Variants in MEGF11 observed in about 807,000 individuals in gnomAD.
MEGF11 encodes the protein multiple epidermal growth factor-like domains protein 11.
Under a neutral mutation model 146.6 loss-of-function variants are expected in MEGF11, and 126 were observed. That is an observed-to-expected ratio of 0.86 (90% CI 0.74 to 1.00). MEGF11 has a LOEUF of 1.00. MEGF11 is among the 50% of genes least tolerant of loss of function. MEGF11 has a pLI of 0.00. For synonymous variants in MEGF11, 532 were observed against 583.4 expected (o/e 0.91, Z 1.27); for missense variants, 1,509 against 1,521.2 (o/e 0.99, Z 0.13).
At chr15:66,165,281 A>T (rs985632503) in intron 1 of MEGF11, among the ~76,000 whole-genome samples, 4 of 152,110 alleles carry the variant, frequency 2.6e-5, no homozygotes, top group Non-Finnish European at 5.9e-5. Context: ...CTCCCCAAGC[A>T]TCAGGTCTGT....
chr15:66,061,626 C>A (rs2084910831), intron 5 of MEGF11, among the ~76,000 whole-genome samples: 1 of 132,830 alleles, frequency 7.5e-6, no homozygotes, highest in Non-Finnish European at 1.5e-5. Context: ...GGTGCTAGAA[C>A]CTCTTTTTTT....
chr15:65,990,800 T>C (rs1398855191), intron 5 of MEGF11, among the ~76,000 whole-genome samples: 1 of 152,190 alleles, frequency 6.6e-6, no homozygotes, highest in Non-Finnish European at 1.5e-5. Flanking sequence ...CCCAATGCTG[T>C]GTGATTCTCT....
At chr15:66,177,537 C>T (rs1273395762) in intron 1 of MEGF11, among the ~76,000 whole-genome samples, 2 of 152,114 alleles carry the variant, frequency 1.3e-5, no homozygotes, top group Admixed American at 6.5e-5. Flanking sequence ...ATGAGGGGAA[C>T]GGCACATTTT....
chr15:65,935,694 G>T (rs1303188026), intron 10 of MEGF11, among the ~76,000 whole-genome samples: 2 of 152,176 alleles, frequency 1.3e-5, no homozygotes, highest in East Asian at 3.9e-4. Flanking sequence ...GCACAGCTCT[G>T]CCCTGAAGGA....
At chr15:66,063,652 G>A (rs2085000066) in intron 5 of MEGF11, among the ~76,000 whole-genome samples, 1 of 152,212 alleles carries the variant, frequency 6.6e-6, no homozygotes, top group Admixed American at 6.5e-5. Context: ...GGGCTTAGGA[G>A]AGACAGACCC....
At chr15:65,983,333 G>A (rs1289635860) in intron 5 of MEGF11, among the ~76,000 whole-genome samples, 1 of 152,202 alleles carries the variant, frequency 6.6e-6, no homozygotes, top group Non-Finnish European at 1.5e-5. Context: ...CTACGGCTAT[G>A]GAAAGGGGCT....
At chr15:66,021,536 G>A (rs2083132754) in intron 5 of MEGF11, among the ~76,000 whole-genome samples, 1 of 152,200 alleles carries the variant, frequency 6.6e-6, no homozygotes, top group Non-Finnish European at 1.5e-5. Context: ...GAGGAGAATT[G>A]GCCAGGGTGG....
intron 24 of MEGF11, among the ~76,000 whole-genome samples, chr15:65,901,342 T>C (rs954499520): frequency 1.3e-5 from 2 of 151,144 alleles, no homozygotes; most frequent in Non-Finnish European, 2.9e-5. Context: ...TCTAACGTGA[T>C]GAATAACCAC....
chr15:65,945,862 C>A (rs2080174151), intron 10 of MEGF11, among the ~76,000 whole-genome samples: 1 of 152,188 alleles, frequency 6.6e-6, no homozygotes, highest in Admixed American at 6.5e-5. Flanking sequence ...ACCCGCAGCT[C>A]ACAGGCAGGG....
intron 1 of MEGF11, among the ~76,000 whole-genome samples, chr15:66,229,724 T>C (rs11633990): frequency 0.21 from 31,463 of 151,380 alleles, 3,670 homozygotes; most frequent in Admixed American, 0.27. Flanking sequence ...GGAAGGGCCC[T>C]TGGCAAAGCC....
At chr15:66,098,855 G>A (rs1473486086) in intron 4 of MEGF11, among the ~76,000 whole-genome samples, 1 of 152,168 alleles carries the variant, frequency 6.6e-6, no homozygotes, top group African/African-American at 2.4e-5. Flanking sequence ...CTGTAGTGGG[G>A]CTCAGGGAGT....
At position 66,041,160 on chromosome 15, in the gene MEGF11, T is replaced by A. The variant is rs556823591; in HGVS notation, c.394+53242A>T. ...AATTGGTAAATAAGAAGCTGACTTT[T>A]GAAAATTGGGGCAGGAACAGTTCTT... On this transcript the variant is annotated intron_variant, in intron 5 of 25. Coordinates refer to ENST00000395614, the MANE Select transcript of MEGF11 (RefSeq NM_001385028.1). Among the ~76,000 whole-genome samples the A allele has an allele frequency of 1.4e-4, 21 of 152,338 alleles. 1 individual carries two copies. Among genetic ancestry groups the A allele is most frequent in the Admixed American group, 1.3e-3 (20 of 15,306 alleles).
Position 66,046,272 on chromosome 15 carries a change from G to T in MEGF11, c.394+48130C>A, listed in dbSNP as rs201536051. Reference sequence around the variant, plus strand: ...CCCTAGCTTACTACCTCCCCCTGCAGCCCTTAACGTACACCCAGGATCCCA... The same window carrying T: ...CCCTAGCTTACTACCTCCCCCTGCATCCCTTAACGTACACCCAGGATCCCA... On this transcript the variant is annotated intron_variant, in intron 5 of 25. Transcript: ENST00000395614. Among the ~76,000 whole-genome samples, 3 of 152,282 alleles carry T rather than the reference G, an allele frequency of 2.0e-5. No individual in the cohort carries two copies. In the East Asian group the frequency reaches 5.8e-4, roughly 29 times the overall value.
At chr15:65,984,781 T>C (rs996896299) in intron 5 of MEGF11, among the ~76,000 whole-genome samples, 5 of 152,098 alleles carry the variant, frequency 3.3e-5, no homozygotes, top group African/African-American at 4.8e-5. Flanking sequence ...TTTATTTATT[T>C]ATTTTGAGAC....
rs530835243 is a variant in MEGF11 at position 66,053,133 on chromosome 15, T to G, written c.394+41269A>C. On this transcript the variant is annotated intron_variant, in intron 5 of 25. Transcript: ENST00000395614. ...GTGAATGGGTGGGTGGGCCAGTGAATGTATGGATAATAAATGGATACTTCC... is the reference window on the plus strand; with the variant it reads ...GTGAATGGGTGGGTGGGCCAGTGAAGGTATGGATAATAAATGGATACTTCC... Among the ~76,000 whole-genome samples, 7 of 152,272 alleles carry G rather than the reference T, an allele frequency of 4.6e-5. No individual in the cohort carries two copies. In the South Asian group the frequency reaches 8.3e-4, roughly 18 times the overall value.
chr15:66,101,729 C>T (rs1341239720), intron 4 of MEGF11, among the ~76,000 whole-genome samples: 1 of 152,246 alleles, frequency 6.6e-6, no homozygotes, highest in Non-Finnish European at 1.5e-5. Context: ...TCTAATTGTA[C>T]TAACTTGAGC....
intron 7 of MEGF11, among the ~76,000 whole-genome samples, chr15:65,977,865 G>A (rs929551447): frequency 1.3e-5 from 2 of 152,120 alleles, no homozygotes; most frequent in South Asian, 2.1e-4. Flanking sequence ...ATTTCCTCCT[G>A]CCTCTCTGTC....
At chr15:66,108,211 G>C (rs2087194578) in intron 4 of MEGF11, among the ~76,000 whole-genome samples, 2 of 152,216 alleles carry the variant, frequency 1.3e-5, no homozygotes, top group South Asian at 4.1e-4. Flanking sequence ...TCATGTGAAG[G>C]ACCCTGCGGA....
intron 1 of MEGF11, among the ~76,000 whole-genome samples, chr15:66,213,619 G>A (rs1432945119): frequency 6.7e-6 from 1 of 149,456 alleles, no homozygotes; most frequent in East Asian, 2.0e-4. Context: ...GTCTCGCCAT[G>A]TCGCCCAGGC....
Sources: allele counts gnomAD v4.1 joint callset (sites outside exome capture counted in the v4.1 genomes callset), GRCh38; gene constraint gnomAD v4.1.1; transcripts MANE v1.5; gene names NCBI Gene and HGNC (gene_info 2026-07-23, HGNC 2026-07-21).